ADAMTS2: variants seen among roughly 807,000 people sequenced by gnomAD.
ADAMTS2 encodes ADAM metallopeptidase with thrombospondin type 1 motif 2, also known as A disintegrin and metalloproteinase with thrombospondin motifs 2.
In ADAMTS2, 50 loss-of-function variants were observed where a neutral mutation model predicts 123.0. The observed-to-expected ratio is 0.41, with a 90% CI of 0.32 to 0.51. The LOEUF (loss-of-function observed/expected upper bound fraction) is 0.51. Ranked by LOEUF, ADAMTS2 falls within the 20% of genes least tolerant of loss-of-function variation. ADAMTS2 has a pLI of 0.35. For missense variants in ADAMTS2, 1,494 were observed against 1,705.2 expected (o/e 0.88, Z 2.18); for synonymous variants, 678 against 695.4 (o/e 0.98, Z 0.39).
At position 179,130,104 on chromosome 5, in the gene ADAMTS2, A is replaced by T; in HGVS notation, c.2291-6T>A. The T allele has an allele frequency of 6.2e-7, 1 of 1,613,876 alleles. No homozygotes were observed. Among genetic ancestry groups the T allele is most frequent in the South Asian group, 1.1e-5 (1 of 91,074 alleles). On this transcript the variant is annotated splice_polypyrimidine_tract_variant and splice_region_variant and intron_variant, in intron 15 of 21. Transcript: ENST00000251582. This position sits in a 1 kb window ranked among gnomAD's most constrained non-coding sequence, Gnocchi z 4.3. ...TGTCTCCAGGTTCTTGACGGCTGAG[A>T]ATGGCAAGACCAAGTCCCCCGTTGT...
intron 2 of ADAMTS2, among the ~76,000 whole-genome samples, chr5:179,287,714 G>A (rs1329701918): frequency 6.6e-6 from 1 of 152,226 alleles, no homozygotes; most frequent in Non-Finnish European, 1.5e-5. Flanking sequence ...AGGAGGCAGG[G>A]TCTGCTCCTT....
chr5:179,321,146 C>G (rs1013997167), intron 2 of ADAMTS2, among the ~76,000 whole-genome samples: 1 of 152,102 alleles, frequency 6.6e-6, no homozygotes, highest in South Asian at 2.1e-4. Context: ...CTAATACACT[C>G]TCTCTTCTAT....
chr5:179,273,568 G>GCGA (rs1766605869), intron 2 of ADAMTS2, among the ~76,000 whole-genome samples: 1 of 152,148 alleles, frequency 6.6e-6, no homozygotes, highest in Non-Finnish European at 1.5e-5. Flanking sequence ...AAGCTCTGAA[G>GCGA]CTAACACTCA....
chr5:179,207,470 G>GACCCC, intron 4 of ADAMTS2, 43 bp downstream of exon 4: 10 of 1,323,538 alleles, frequency 7.6e-6, no homozygotes, highest in East Asian at 4.7e-5. Flanking sequence ...GCCCCTGGTT[G>GACCCC]ACCCTCCCCG....
chr5:179,228,694 G>T lies in ADAMTS2; in HGVS notation c.689-20979C>A, dbSNP rs1249621591. ...ACTGTGCCTGCCCTTAAGGCAGGCA[G>T]AACACTAACCAAAGCCAGCGGACAT... On this transcript the variant is annotated intron_variant, in intron 3 of 21. Coordinates refer to ENST00000251582, the MANE Select transcript of ADAMTS2 (RefSeq NM_014244.5). The surrounding 1 kb of genome is among the most constrained non-coding windows in gnomAD (Gnocchi z 5.2). Among the ~76,000 whole-genome samples the T allele has an allele frequency of 6.6e-6, 1 of 152,250 alleles. No individual in the cohort carries two copies. Among genetic ancestry groups the T allele is most frequent in the African/African-American group, 2.4e-5 (1 of 41,468 alleles).
At position 179,115,711 on chromosome 5, in the gene ADAMTS2, G is replaced by T. The variant is rs111869604; in HGVS notation, c.3179-1387C>A. 3.4e-3 allele frequency among the ~76,000 whole-genome samples: 519 copies of T among 152,242 alleles called. 1 individual carries two copies. The highest frequency in any genetic ancestry group is 0.011 in the African/African-American group (472 of 41,536). On this transcript the variant is annotated intron_variant, in intron 21 of 21. Transcript: ENST00000251582. The surrounding 1 kb of genome is among the most constrained non-coding windows in gnomAD (Gnocchi z 4.4). ...GGGAGGAGGAAAGGGAGGGAGAAAG[G>T]GAGGGAGAAAGGCTCAGGCATTGGA...
chr5:179,141,163 T>G (rs550607735), intron 10 of ADAMTS2, among the ~76,000 whole-genome samples: 1 of 152,162 alleles, frequency 6.6e-6, no homozygotes, highest in Admixed American at 6.5e-5. Context: ...TTTGTAGCAC[T>G]GTTTCCACAA....
intron 3 of ADAMTS2, among the ~76,000 whole-genome samples, chr5:179,244,195 G>A (rs1765730348): frequency 6.9e-6 from 1 of 144,146 alleles, no homozygotes; most frequent in African/African-American, 2.6e-5. Flanking sequence ...CGGGATAAAT[G>A]CCAAGAGATC....
intron 3 of ADAMTS2, among the ~76,000 whole-genome samples, chr5:179,267,796 G>C (rs1766413698): frequency 6.6e-6 from 1 of 152,118 alleles, no homozygotes; most frequent in African/African-American, 2.4e-5. Flanking sequence ...TCTGTGGAAA[G>C]AGGGCTTTGT....
intron 10 of ADAMTS2, among the ~76,000 whole-genome samples, chr5:179,150,585 A>G (rs1415657285): frequency 6.6e-6 from 1 of 152,230 alleles, no homozygotes; most frequent in East Asian, 1.9e-4. Context: ...GAGGTTATTC[A>G]GCGATCGAGA....
chr5:179,243,211 G>A (rs1170491743), intron 3 of ADAMTS2, among the ~76,000 whole-genome samples: 5 of 151,262 alleles, frequency 3.3e-5, no homozygotes, highest in Admixed American at 3.3e-4. Flanking sequence ...GGGGGAGAAT[G>A]AATTTCAAAG....
At position 179,312,605 on chromosome 5, in the gene ADAMTS2, A is replaced by G. The variant is rs1281563835; in HGVS notation, c.534+31162T>C. On this transcript the variant is annotated intron_variant, in intron 2 of 21. Coordinates refer to ENST00000251582, the MANE Select transcript of ADAMTS2 (RefSeq NM_014244.5). The surrounding 1 kb of genome is among the most constrained non-coding windows in gnomAD (Gnocchi z 4.2). ...TAAGACAGGCCCTAAATGCAATCAC[A>G]CTTCTCTTTATCAGAGGAAGGCAGA... Among the ~76,000 whole-genome samples, 1 of 152,204 alleles carries G rather than the reference A, an allele frequency of 6.6e-6. No homozygotes were observed. Among genetic ancestry groups the G allele is most frequent in the African/African-American group, 2.4e-5 (1 of 41,442 alleles).
chr5:179,159,605 C>A (rs1262827191), intron 5 of ADAMTS2, among the ~76,000 whole-genome samples: 1 of 152,194 alleles, frequency 6.6e-6, no homozygotes. Context: ...TGTATCATGA[C>A]GCACACCTGA....
At chr5:179,219,000 A>G (rs535982118) in intron 3 of ADAMTS2, among the ~76,000 whole-genome samples, 1 of 152,056 alleles carries the variant, frequency 6.6e-6, no homozygotes, top group African/African-American at 2.4e-5. Flanking sequence ...TCTGGCCATT[A>G]CACCTTTTCT....
intron 2 of ADAMTS2, among the ~76,000 whole-genome samples, chr5:179,324,359 A>T (rs1335490865): frequency 3.2e-4 from 49 of 152,108 alleles, no homozygotes; most frequent in Admixed American, 3.1e-3. Context: ...TAAAAATTTT[A>T]AAAGCATGTG....
At chr5:179,177,875 G>A (rs920655129) in intron 5 of ADAMTS2, among the ~76,000 whole-genome samples, 9 of 152,216 alleles carry the variant, frequency 5.9e-5, no homozygotes, top group African/African-American at 1.9e-4. Flanking sequence ...GACTGGGAAA[G>A]AGCAGACACT....
At chr5:179,145,776 T>C (rs891289943) in intron 10 of ADAMTS2, among the ~76,000 whole-genome samples, 1 of 152,210 alleles carries the variant, frequency 6.6e-6, no homozygotes, top group Non-Finnish European at 1.5e-5. Flanking sequence ...ACAAAAATGT[T>C]CCAGCGCTTG....
In ADAMTS2 at chr5:179,162,361, T is replaced by A. The variant is rs547709925; in HGVS notation, c.976-3482A>T. On this transcript the variant is annotated intron_variant, in intron 5 of 21. Coordinates refer to ENST00000251582, the MANE Select transcript of ADAMTS2 (RefSeq NM_014244.5). The surrounding 1 kb of genome is among the most constrained non-coding windows in gnomAD (Gnocchi z 5.1). ...GCCAAGGAGTAGGCAAGGTGTGAGG[T>A]GGGGGGCCTGCAGCGGCTGGAGCCC... 6.6e-6 allele frequency among the ~76,000 whole-genome samples: 1 copy of A among 151,234 alleles called. No individual in the cohort carries two copies. Among genetic ancestry groups the A allele is most frequent in the African/African-American group, 2.4e-5 (1 of 41,182 alleles).
intron 3 of ADAMTS2, among the ~76,000 whole-genome samples, chr5:179,219,514 G>C (rs565596239): frequency 1.3e-5 from 2 of 152,240 alleles, no homozygotes; most frequent in Non-Finnish European, 2.9e-5. Context: ...GCACCTCCCA[G>C]TGTGGGGCGA....
Sources: gnomAD v4.1 joint callset for allele counts (sites outside exome capture counted in the v4.1 genomes callset) on GRCh38, gnomAD v4.1.1 for gene constraint, Gnocchi (gnomAD v3.1) non-coding constraint, MANE v1.5 for transcripts, NCBI Gene and HGNC (gene_info 2026-07-23, HGNC 2026-07-21) for gene names.